The following AUTS2 variants were observed in gnomAD, a reference collection of about 807,000 sequenced individuals.
AUTS2 encodes activator of transcription and developmental regulator AUTS2.
AUTS2 carries 17 observed loss-of-function variants against 112.4 expected under a neutral mutation model. The observed-to-expected ratio is 0.15, with a 90% CI of 0.10 to 0.23. The LOEUF is 0.23. AUTS2 is among the 10% of genes least tolerant of loss of function. AUTS2 has a pLI of 1.00. For missense variants in AUTS2, 1,510 were observed against 1,701.6 expected, an observed-to-expected ratio of 0.89 and a Z score of 1.98; for synonymous variants, 751 against 702.7, an observed-to-expected ratio of 1.07 and a Z score of -1.09.
chr7:70,515,696 CCTCT>C (rs914414901), intron 5 of AUTS2, among the ~76,000 whole-genome samples: 1 of 151,918 alleles, frequency 6.6e-6, no homozygotes, highest in Non-Finnish European at 1.5e-5. Flanking sequence ...CCTGACTCTC[CCTCT>C]CTCTCTCTTT....
At chr7:70,531,124 C>A (rs549316608) in intron 5 of AUTS2, among the ~76,000 whole-genome samples, 3 of 57,420 alleles carry the variant, frequency 5.2e-5, no homozygotes, top group African/African-American at 4.5e-4. Flanking sequence ...TTAGAGTATT[C>A]CTTATTCTTG....
intron 4 of AUTS2, among the ~76,000 whole-genome samples, chr7:70,408,179 G>GA (rs773854684): frequency 0.019 from 2,600 of 136,962 alleles, 69 homozygotes; most frequent in African/African-American, 0.061. Flanking sequence ...AGACCCTGTG[G>GA]AAAAAAAAAA....
intron 6 of AUTS2, among the ~76,000 whole-genome samples, chr7:70,709,487 G>A (rs545365724): frequency 3.0e-3 from 460 of 152,126 alleles, no homozygotes; most frequent in Non-Finnish European, 5.3e-3. Context: ...GAGGCGGGCG[G>A]ATCACTTGAG....
intron 5 of AUTS2, among the ~76,000 whole-genome samples, chr7:70,585,932 G>A (rs927033792): frequency 3.3e-5 from 5 of 151,816 alleles, no homozygotes; most frequent in South Asian, 2.1e-4. Context: ...GCGCGATCTC[G>A]GCTCACTGCA....
intron 2 of AUTS2, among the ~76,000 whole-genome samples, chr7:70,045,709 A>G (rs1259573508): frequency 6.6e-6 from 1 of 151,538 alleles, no homozygotes; most frequent in Non-Finnish European, 1.5e-5. Context: ...CCCAGGTTCA[A>G]ACAGTTCTCC....
At chr7:69,763,212 C>T (rs901000568) in intron 1 of AUTS2, among the ~76,000 whole-genome samples, 9 of 152,148 alleles carry the variant, frequency 5.9e-5, no homozygotes, top group African/African-American at 1.9e-4. Context: ...TTGAATAGTA[C>T]ATTAGGGTAA....
At chr7:69,621,813 A>G (rs1213128019) in intron 1 of AUTS2, among the ~76,000 whole-genome samples, 1 of 152,134 alleles carries the variant, frequency 6.6e-6, no homozygotes, top group African/African-American at 2.4e-5. Flanking sequence ...AGGCGTACTT[A>G]AAAGTGAGGA....
chr7:69,882,176 A>T (rs931212474), intron 1 of AUTS2, among the ~76,000 whole-genome samples: 3 of 139,122 alleles, frequency 2.2e-5, no homozygotes, highest in African/African-American at 8.1e-5. Flanking sequence ...AAAAAAAAAA[A>T]AGACCAAGTG....
At chr7:69,803,907 C>G (rs1003959885) in intron 1 of AUTS2, among the ~76,000 whole-genome samples, 2 of 152,164 alleles carry the variant, frequency 1.3e-5, no homozygotes, top group African/African-American at 4.8e-5. Context: ...TTCCAGGCAC[C>G]TGTGGTTCCA....
intron 5 of AUTS2, among the ~76,000 whole-genome samples, chr7:70,552,322 C>T (rs1005942198): frequency 1.3e-5 from 2 of 152,252 alleles, no homozygotes; most frequent in African/African-American, 2.4e-5. Context: ...AACCTGTTTG[C>T]ATGTTTGTTT....
chr7:70,278,530 G>A (rs1249892405), intron 4 of AUTS2, among the ~76,000 whole-genome samples: 4 of 152,104 alleles, frequency 2.6e-5, no homozygotes, highest in Non-Finnish European at 5.9e-5. Context: ...GTGAGTGAGA[G>A]TGTGTCACTG....
intron 4 of AUTS2, among the ~76,000 whole-genome samples, chr7:70,224,328 A>G (rs1811641786): frequency 7.4e-6 from 1 of 135,086 alleles, no homozygotes; most frequent in South Asian, 2.5e-4. Flanking sequence ...ACAATACAGT[A>G]CAGTACAATA....
At chr7:69,688,014 G>A (rs1797141029) in intron 1 of AUTS2, among the ~76,000 whole-genome samples, 1 of 152,216 alleles carries the variant, frequency 6.6e-6, no homozygotes, top group South Asian at 2.1e-4. Flanking sequence ...AAGCTGCCAA[G>A]CCTTTTAAAA....
intron 3 of AUTS2, among the ~76,000 whole-genome samples, chr7:70,130,606 T>C (rs904965561): frequency 6.6e-6 from 1 of 152,030 alleles, no homozygotes; most frequent in Non-Finnish European, 1.5e-5. Flanking sequence ...AGAGAGTGTT[T>C]CTAAGAAAGC....
rs142655564 is a variant in AUTS2 at position 69,660,512 on chromosome 7, A to T, written c.309+60550A>T. Among the ~76,000 whole-genome samples the T allele has an allele frequency of 7.9e-5, 12 of 152,316 alleles. No individual in the cohort carries two copies. The East Asian group carries it at 2.3e-3, about 29-fold the overall frequency. On this transcript the variant is annotated intron_variant, in intron 1 of 18. Coordinates refer to ENST00000342771, the MANE Select transcript of AUTS2 (RefSeq NM_015570.4). The stretch of plus-strand genomic sequence containing the variant: ...ATTGATTTCTCTGGATGCAGATCCT[A>T]ACTGTTGGCAAATTTAAAACTTACT...
intron 4 of AUTS2, among the ~76,000 whole-genome samples, chr7:70,264,531 G>T (rs555377627): frequency 6.6e-6 from 1 of 152,244 alleles, no homozygotes; most frequent in African/African-American, 2.4e-5. Context: ...TTAGTAAGTG[G>T]TTTTTTATTA....
chr7:70,652,379 C>A (rs1806552313), intron 5 of AUTS2, among the ~76,000 whole-genome samples: 1 of 151,968 alleles, frequency 6.6e-6, no homozygotes, highest in Non-Finnish European at 1.5e-5. Flanking sequence ...CAATTTATGC[C>A]ATTTAAAGTG....
At chr7:70,455,871 G>T (rs1272597133) in intron 5 of AUTS2, among the ~76,000 whole-genome samples, 1 of 152,174 alleles carries the variant, frequency 6.6e-6, no homozygotes, top group Admixed American at 6.5e-5. Context: ...TGCATAGCCT[G>T]CCTGGCAAAT....
At chr7:69,850,683 A>G (rs1048449451) in intron 1 of AUTS2, among the ~76,000 whole-genome samples, 2 of 151,986 alleles carry the variant, frequency 1.3e-5, no homozygotes, top group African/African-American at 2.4e-5. Flanking sequence ...TCTTTTGCCC[A>G]TTCTTTTGGA....
Sources: gnomAD v4.1 joint callset for allele counts (sites outside exome capture counted in the v4.1 genomes callset) on GRCh38, gnomAD v4.1.1 for gene constraint, MANE v1.5 for transcripts, NCBI Gene and HGNC (gene_info 2026-07-23, HGNC 2026-07-21) for gene names.